Variants in PPP3CC observed in about 807,000 individuals in gnomAD.
The protein encoded by PPP3CC is protein phosphatase 3 catalytic subunit gamma.
Under a neutral mutation model 60.3 loss-of-function variants are expected in PPP3CC, and 35 were observed. The ratio of observed to expected loss-of-function variants is 0.58; its 90% confidence interval spans 0.44 to 0.77. The LOEUF is 0.77. Ranked by LOEUF, PPP3CC falls within the 30% of genes least tolerant of loss-of-function variation. The probability of loss-of-function intolerance (pLI) is 0.00; values close to 1 mark genes in which losing one functional copy is unlikely to be tolerated. For synonymous variants in PPP3CC, 206 were observed against 224.3 expected (o/e 0.92, Z 0.73); for missense variants, 570 against 628.9 (o/e 0.91, Z 1.00).
rs748366544 is a variant in PPP3CC, at chr8:22,475,487, C to CT, written c.248-6dup. The CT allele has an allele frequency of 1.2e-6, 2 of 1,603,136 alleles. No homozygotes were observed. On this transcript the variant is annotated splice_polypyrimidine_tract_variant and intron_variant, in intron 2 of 13. Coordinates refer to ENST00000240139, the MANE Select transcript of PPP3CC (RefSeq NM_005605.5). Reference sequence around the variant, plus strand: ...GTATAATTTCTCACATCACTTTATGCTTTTTTTCCTAGTATGTGGTGATAT... The same window carrying CT: ...GTATAATTTCTCACATCACTTTATGCTTTTTTTTCCTAGTATGTGGTGATAT...
intron 3 of PPP3CC, among the ~76,000 whole-genome samples, chr8:22,488,637 T>C (rs1040899053): frequency 6.6e-6 from 1 of 152,230 alleles, no homozygotes; most frequent in African/African-American, 2.4e-5. Flanking sequence ...CTGTATTTTC[T>C]AGTGAGAGGG....
intron 3 of PPP3CC, among the ~76,000 whole-genome samples, chr8:22,485,855 C>T (rs1209061128): frequency 6.6e-6 from 1 of 152,116 alleles, no homozygotes; most frequent in Non-Finnish European, 1.5e-5. Flanking sequence ...AGTTCATTGG[C>T]ACTAGTAAGG....
chr8:22,468,390 C>G (rs1837612866), intron 1 of PPP3CC, among the ~76,000 whole-genome samples: 1 of 152,320 alleles, frequency 6.6e-6, no homozygotes, highest in African/African-American at 2.4e-5. Context: ...CAGGCGTGAG[C>G]CACTGCACCT....
intron 3 of PPP3CC, among the ~76,000 whole-genome samples, chr8:22,485,257 A>T (rs1020735022): frequency 1.3e-5 from 2 of 152,180 alleles, no homozygotes; most frequent in African/African-American, 4.8e-5. Context: ...GCAAGCACAG[A>T]TGGGAAAATA....
chr8:22,484,355 T>C (rs576274006), intron 3 of PPP3CC, among the ~76,000 whole-genome samples: 1 of 151,920 alleles, frequency 6.6e-6, no homozygotes, highest in East Asian at 1.9e-4. Flanking sequence ...ATATATAATA[T>C]AAGCATATCT....
At chr8:22,532,846 A>T in intron 11 of PPP3CC, 75 bp from the exon 12 acceptor site, 1 of 1,026,398 alleles carries the variant, frequency 9.7e-7, no homozygotes, top group Non-Finnish European at 1.4e-6. Context: ...GTCTTTCTTC[A>T]CTTCCTTCAA....
chr8:22,530,691 G>T (rs1335638286), intron 10 of PPP3CC, among the ~76,000 whole-genome samples: 2 of 151,184 alleles, frequency 1.3e-5, no homozygotes, highest in Middle Eastern at 3.2e-3. Context: ...ATTAGCTGGG[G>T]TGTGGTGGCA....
intron 1 of PPP3CC, among the ~76,000 whole-genome samples, chr8:22,454,912 C>T (rs1164684927): frequency 1.3e-5 from 2 of 151,444 alleles, no homozygotes; most frequent in South Asian, 2.1e-4. Flanking sequence ...AAAAATTAGC[C>T]GGGCGCGGTG....
intron 3 of PPP3CC, among the ~76,000 whole-genome samples, chr8:22,479,343 TTTC>T (rs1220305613): frequency 1.3e-5 from 2 of 152,158 alleles, no homozygotes; most frequent in Non-Finnish European, 2.9e-5. Flanking sequence ...TGCAGCCTTT[TTTC>T]TTCTTTTACA....
intron 6 of PPP3CC, among the ~76,000 whole-genome samples, chr8:22,517,807 T>C (rs1172468261): frequency 6.6e-6 from 1 of 152,094 alleles, no homozygotes; most frequent in East Asian, 1.9e-4. Context: ...AACCAACTCT[T>C]AGTTTTGTTG....
intron 3 of PPP3CC, among the ~76,000 whole-genome samples, chr8:22,486,400 C>A (rs1838225888): frequency 6.6e-6 from 1 of 152,168 alleles, no homozygotes; most frequent in Non-Finnish European, 1.5e-5. Flanking sequence ...TAGGGGTAAA[C>A]ACTGGATTTT....
At chr8:22,538,096 G>C (rs370572025) in intron 12 of PPP3CC, among the ~76,000 whole-genome samples, 8 of 152,284 alleles carry the variant, frequency 5.3e-5, no homozygotes, top group African/African-American at 1.9e-4. Flanking sequence ...GAAAACAAAA[G>C]TTCGGGTCAT....
chr8:22,451,774 A>C (rs1454578800), intron 1 of PPP3CC, among the ~76,000 whole-genome samples: 2 of 152,244 alleles, frequency 1.3e-5, no homozygotes, highest in Non-Finnish European at 2.9e-5. Context: ...TTTTGTGCAC[A>C]AAATTATTAA....
chr8:22,520,132 AC>A (rs1182297565), intron 6 of PPP3CC, among the ~76,000 whole-genome samples: 10 of 151,882 alleles, frequency 6.6e-5, no homozygotes, highest in Non-Finnish European at 1.5e-4. Context: ...TTCTTTTAGT[AC>A]TTTGAATATA....
intron 1 of PPP3CC, among the ~76,000 whole-genome samples, chr8:22,466,055 T>C (rs972304068): frequency 3.9e-5 from 6 of 152,166 alleles, no homozygotes; most frequent in Non-Finnish European, 7.3e-5. Flanking sequence ...ATCTCATTGT[T>C]CAATTCCCAC....
At chr8:22,498,868 C>T (rs2443499) in intron 4 of PPP3CC, among the ~76,000 whole-genome samples, 117,532 of 151,518 alleles carry the variant, frequency 0.78, 45,540 homozygotes, top group African/African-American at 0.83. Context: ...CTCACGCCTG[C>T]AATCCCAGCA....
At chr8:22,474,523 G>A (rs1837828609) in intron 1 of PPP3CC, among the ~76,000 whole-genome samples, 1 of 152,028 alleles carries the variant, frequency 6.6e-6, no homozygotes, top group African/African-American at 2.4e-5. Flanking sequence ...GGCCAACATG[G>A]TGAAACCCTG....
At chr8:22,455,055 C>CAAAAA (rs5890035) in intron 1 of PPP3CC, among the ~76,000 whole-genome samples, 16 of 91,296 alleles carry the variant, frequency 1.8e-4, no homozygotes, top group Admixed American at 2.4e-4. Context: ...GACTCCATCT[C>CAAAAA]AAAAAAAAAA....
rs555702952 is a variant in PPP3CC at position 22,464,602 on chromosome 8, G to A, written c.50-10352G>A. On this transcript the variant is annotated intron_variant, in intron 1 of 13. Coordinates refer to ENST00000240139, the MANE Select transcript of PPP3CC (RefSeq NM_005605.5). ...TCGCCATGTTGCGCAGGCTGGTCTCGAACTCCTGAGCTCAAGCAATCCACC... is the reference window on the plus strand; with the variant it reads ...TCGCCATGTTGCGCAGGCTGGTCTCAAACTCCTGAGCTCAAGCAATCCACC... 9.2e-5 allele frequency among the ~76,000 whole-genome samples: 14 copies of A among 152,148 alleles called. No individual in the cohort carries two copies. In the East Asian group the frequency reaches 1.2e-3, roughly 13 times the overall value.
Sources: allele counts gnomAD v4.1 joint callset (sites outside exome capture counted in the v4.1 genomes callset), GRCh38; gene constraint gnomAD v4.1.1; transcripts MANE v1.5; gene names NCBI Gene and HGNC (gene_info 2026-07-23, HGNC 2026-07-21).